The following EBF3 variants were observed in gnomAD, a reference collection of about 807,000 sequenced individuals.
The protein encoded by EBF3 is EBF transcription factor 3, also known as transcription factor COE3.
Under a neutral mutation model 77.1 loss-of-function variants are expected in EBF3, and 18 were observed. That is an observed-to-expected ratio of 0.23 (90% CI 0.16 to 0.35). The LOEUF (loss-of-function observed/expected upper bound fraction) is 0.35. EBF3 is among the 10% of genes least tolerant of loss of function. The probability of loss-of-function intolerance (pLI) is 1.00; values close to 1 mark genes in which losing one functional copy is unlikely to be tolerated. For synonymous variants in EBF3, 350 were observed against 343.5 expected, an observed-to-expected ratio of 1.02 and a Z score of -0.21; for missense variants, 558 against 860.0, an observed-to-expected ratio of 0.65 and a Z score of 4.39.
intron 4 of EBF3, among the ~76,000 whole-genome samples, chr10:129,959,428 C>T (rs1283735594): frequency 6.6e-6 from 1 of 152,098 alleles, no homozygotes; most frequent in Non-Finnish European, 1.5e-5. Flanking sequence ...CCATTGTCTA[C>T]AACGAGTTCC....
At chr10:129,877,641 C>G (rs746349951) in intron 7 of EBF3, 127 bp downstream of exon 7, 1 of 700,724 alleles carries the variant, frequency 1.4e-6, no homozygotes, top group Non-Finnish European at 2.4e-6. Flanking sequence ...TCAAATGCAC[C>G]AATTCCAGTT....
chr10:129,901,153 C>A (rs556368327), intron 6 of EBF3, among the ~76,000 whole-genome samples: 2 of 152,320 alleles, frequency 1.3e-5, no homozygotes, highest in South Asian at 2.1e-4. Context: ...AGTGTCTCAT[C>A]CAAGTGGCTG....
chr10:129,900,446 A>G (rs1854700422), intron 6 of EBF3, among the ~76,000 whole-genome samples: 1 of 152,192 alleles, frequency 6.6e-6, no homozygotes, highest in South Asian at 2.1e-4. Context: ...AGGACACAGA[A>G]GCCACAGATT....
chr10:129,851,480 ACT>A (rs778281052), intron 10 of EBF3, among the ~76,000 whole-genome samples: 2 of 152,130 alleles, frequency 1.3e-5, no homozygotes, highest in Non-Finnish European at 2.9e-5. Context: ...ATTAATTTAA[ACT>A]CTGCCTTAAA....
intron 6 of EBF3, among the ~76,000 whole-genome samples, chr10:129,927,974 G>A (rs1168668896): frequency 1.3e-5 from 2 of 152,204 alleles, no homozygotes; most frequent in Admixed American, 6.5e-5. Flanking sequence ...TCCCAGCCCA[G>A]GACTGGTGCT....
chr10:129,922,495 C>T (rs1388766912), intron 6 of EBF3, among the ~76,000 whole-genome samples: 1 of 152,232 alleles, frequency 6.6e-6, no homozygotes, highest in Admixed American at 6.5e-5. Context: ...CCCTATACCC[C>T]ATAGCCCCTG....
At chr10:129,889,802 C>CAAAAAAA (rs57252162) in intron 6 of EBF3, among the ~76,000 whole-genome samples, 2 of 114,916 alleles carry the variant, frequency 1.7e-5, no homozygotes. Context: ...GTCACATCTG[C>CAAAAAAA]AAAAAAAAAA....
intron 6 of EBF3, among the ~76,000 whole-genome samples, chr10:129,954,053 C>T (rs1350432161): frequency 6.6e-6 from 1 of 152,156 alleles, no homozygotes; most frequent in Non-Finnish European, 1.5e-5. Flanking sequence ...TACTCCCATC[C>T]TTTTCAGCAA....
chr10:129,948,195 T>C (rs1369166772), intron 6 of EBF3, among the ~76,000 whole-genome samples: 1 of 138,660 alleles, frequency 7.2e-6, no homozygotes, highest in Non-Finnish European at 1.5e-5. Context: ...GAGAAGGAGG[T>C]TGCAGTGAGC....
intron 6 of EBF3, among the ~76,000 whole-genome samples, chr10:129,912,497 C>T (rs965683163): frequency 5.9e-5 from 9 of 152,194 alleles, no homozygotes; most frequent in Non-Finnish European, 2.9e-5. Flanking sequence ...TTCATGCATT[C>T]TCGGCTTCTC....
chr10:129,897,604 TCGAGGGCGCCCATTGTCTC>T lies in EBF3; in HGVS notation c.555-19774_555-19756del, dbSNP rs1271071374. Among the ~76,000 whole-genome samples the T allele has an allele frequency of 1.3e-5, 2 of 152,068 alleles. No homozygotes were observed. The highest frequency in any genetic ancestry group is 4.8e-5 in the African/African-American group (2 of 41,418). ...CGAGAGGCGAAGCCCGGGAAGGTTC[TCGAGGGCGCCCATTGTCTC>T]CGAGCCTGCCCACTGTGCCTGCCTC... On this transcript the variant is annotated intron_variant, in intron 6 of 16. Coordinates refer to ENST00000440978, the MANE Select transcript of EBF3 (RefSeq NM_001375380.1). This position sits in a 1 kb window ranked among gnomAD's most constrained non-coding sequence, Gnocchi z 4.6.
chr10:129,961,154 A>G (rs933572398), intron 4 of EBF3, among the ~76,000 whole-genome samples: 2 of 152,242 alleles, frequency 1.3e-5, no homozygotes, highest in African/African-American at 2.4e-5. Context: ...GGAAGCCCCA[A>G]CGAGCTCTCC....
intron 16 of EBF3, 49 bp from the exon 17 acceptor site, chr10:129,838,009 C>T (rs1267220312): frequency 1.2e-6 from 2 of 1,612,494 alleles, no homozygotes; most frequent in South Asian, 2.2e-5. Context: ...CCCACGCGCC[C>T]TCCCGCCAAC....
At chr10:129,888,292 T>G (rs912342632) in intron 6 of EBF3, among the ~76,000 whole-genome samples, 2 of 152,198 alleles carry the variant, frequency 1.3e-5, no homozygotes, top group Non-Finnish European at 2.9e-5. Flanking sequence ...GGCTTTTGCG[T>G]CCTTAGATCC....
chr10:129,887,453 A>G (rs980543510), intron 6 of EBF3, among the ~76,000 whole-genome samples: 1 of 152,228 alleles, frequency 6.6e-6, no homozygotes, highest in Non-Finnish European at 1.5e-5. Flanking sequence ...TGCTGCTTAC[A>G]GTTAAGAGGC....
At chr10:129,875,669 G>T (rs975349588) in intron 7 of EBF3, among the ~76,000 whole-genome samples, 2 of 152,238 alleles carry the variant, frequency 1.3e-5, no homozygotes, top group Non-Finnish European at 2.9e-5. Context: ...AACCTCAAAA[G>T]GTTATAAGTG....
At chr10:129,838,609 A>T (rs1450206961) in intron 16 of EBF3, among the ~76,000 whole-genome samples, 5 of 152,170 alleles carry the variant, frequency 3.3e-5, no homozygotes, top group Admixed American at 3.3e-4. Context: ...TTCTCTTCTC[A>T]GGAAAGAAGA....
intron 6 of EBF3, among the ~76,000 whole-genome samples, chr10:129,917,893 T>C (rs1856005058): frequency 6.6e-6 from 1 of 152,076 alleles, no homozygotes; most frequent in African/African-American, 2.4e-5. Flanking sequence ...GCAGATAAGG[T>C]GTAATTAGTA....
chr10:129,862,125 A>G (rs1416105176), intron 10 of EBF3, among the ~76,000 whole-genome samples: 1 of 152,174 alleles, frequency 6.6e-6, no homozygotes, highest in Non-Finnish European at 1.5e-5. Flanking sequence ...CCCTTGACAC[A>G]CTGCCAGTTT....
Sources: gnomAD v4.1 joint callset for allele counts (sites outside exome capture counted in the v4.1 genomes callset) on GRCh38, gnomAD v4.1.1 for gene constraint, Gnocchi (gnomAD v3.1) non-coding constraint, MANE v1.5 for transcripts, NCBI Gene and HGNC (gene_info 2026-07-23, HGNC 2026-07-21) for gene names.